MELK: variants seen among roughly 807,000 people sequenced by gnomAD.
MELK encodes maternal embryonic leucine zipper kinase.
A neutral mutation model predicts 85.0 loss-of-function variants in MELK; 81 were observed. The ratio of observed to expected loss-of-function variants is 0.95; its 90% confidence interval spans 0.80 to 1.15. The LOEUF is 1.15. MELK is among the 50% of genes most tolerant of loss of function. The pLI, the probability that MELK is intolerant of heterozygous loss-of-function variation, is 0.00. For missense variants in MELK, 754 were observed against 777.5 expected, an observed-to-expected ratio of 0.97 and a Z score of 0.36; for synonymous variants, 252 against 265.0, an observed-to-expected ratio of 0.95 and a Z score of 0.48.
rs146938245 is a variant in MELK at position 36,592,469 on chromosome 9, G to A, written c.262-2159G>A. Among the ~76,000 whole-genome samples the A allele has an allele frequency of 2.0e-3, 305 of 152,086 alleles. 1 individual carries two copies. The highest frequency in any genetic ancestry group is 4.0e-3 in the Non-Finnish European group (270 of 67,978). On this transcript the variant is annotated intron_variant, in intron 4 of 17. Transcript: ENST00000298048. Reference sequence around the variant, plus strand: ...CGGGATTACAGGAGTGAGCCACCGCGCCCGGCCCTCAAATTTTCTTTTCTC... The same window carrying A: ...CGGGATTACAGGAGTGAGCCACCGCACCCGGCCCTCAAATTTTCTTTTCTC...
At chr9:36,603,055 A>G (rs1330905637) in intron 7 of MELK, among the ~76,000 whole-genome samples, 3 of 152,134 alleles carry the variant, frequency 2.0e-5, no homozygotes, top group Non-Finnish European at 4.4e-5. Context: ...CTGATCTCAC[A>G]AGATTCCTAG....
intron 1 of MELK, among the ~76,000 whole-genome samples, chr9:36,580,657 C>G (rs1822138746): frequency 6.6e-6 from 1 of 150,986 alleles, no homozygotes; most frequent in African/African-American, 2.4e-5. Flanking sequence ...CTTCAGGTAG[C>G]CTCCCGAGCC....
chr9:36,630,610 A>G (rs1474257227), intron 9 of MELK, among the ~76,000 whole-genome samples: 1 of 152,160 alleles, frequency 6.6e-6, no homozygotes, highest in African/African-American at 2.4e-5. Flanking sequence ...TTCTCTAACT[A>G]GTTCTTGTTC....
chr9:36,607,177 A>G (rs1825640450), intron 7 of MELK, among the ~76,000 whole-genome samples: 1 of 152,250 alleles, frequency 6.6e-6, no homozygotes, highest in Non-Finnish European at 1.5e-5. Context: ...CTGATTATCA[A>G]TAAATTTTAA....
At chr9:36,651,700 C>T (rs959611978) in intron 11 of MELK, 46 bp from the exon 12 acceptor site, 3 of 1,581,454 alleles carry the variant, frequency 1.9e-6, no homozygotes, top group Non-Finnish European at 1.7e-6. Context: ...ACATCATTTC[C>T]ACAAACAAGT....
At chr9:36,670,966 C>T (rs1283260696) in intron 15 of MELK, 32 bp from the exon 16 acceptor site, 3 of 1,582,234 alleles carry the variant, frequency 1.9e-6, no homozygotes, top group African/African-American at 1.4e-5. Flanking sequence ...AGGCCCAGCT[C>T]TACTTGTGCC....
At position 36,582,007 on chromosome 9, in the gene MELK, G is replaced by T. The variant is rs1441919911; in HGVS notation, c.58+268G>T. On this transcript the variant is annotated intron_variant, in intron 2 of 17. Coordinates refer to ENST00000298048, the MANE Select transcript of MELK (RefSeq NM_014791.4). ...TTTTGAGACGGAGTCTCACTCTGTC[G>T]CCCAGGCTGGATGGAGTGCAGTGGC... Among the ~76,000 whole-genome samples the T allele has an allele frequency of 4.0e-5, 6 of 151,182 alleles. No individual in the cohort carries two copies. The East Asian group carries it at 9.8e-4, about 25-fold the overall frequency.
At chr9:36,582,529 A>G (rs908052728) in intron 2 of MELK, among the ~76,000 whole-genome samples, 21 of 152,126 alleles carry the variant, frequency 1.4e-4, no homozygotes, top group African/African-American at 4.6e-4. Flanking sequence ...ACACATATGT[A>G]CACACCTATG....
At position 36,575,978 on chromosome 9, in the gene MELK, C is replaced by A. The variant is rs547326093; in HGVS notation, c.-39+2971C>A. Among the ~76,000 whole-genome samples the A allele has an allele frequency of 1.4e-3, 220 of 152,182 alleles. 1 individual carries two copies. The highest frequency in any genetic ancestry group is 5.1e-3 in the African/African-American group (211 of 41,522). ...CTCTATACTTTTACTGTTTTTATTG[C>A]CTTTTGGAATTTCTTAGTCCTATGG... On this transcript the variant is annotated intron_variant, in intron 1 of 17. Coordinates refer to ENST00000298048, the MANE Select transcript of MELK (RefSeq NM_014791.4).
chr9:36,637,025 G>T (rs1209428728), intron 10 of MELK, among the ~76,000 whole-genome samples: 1 of 151,880 alleles, frequency 6.6e-6, no homozygotes, highest in Non-Finnish European at 1.5e-5. Context: ...GTAGAGACGG[G>T]GTTTCACCAT....
intron 14 of MELK, 50 bp downstream of exon 14, chr9:36,665,631 G>T: frequency 1.4e-6 from 2 of 1,430,570 alleles, no homozygotes; most frequent in Non-Finnish European, 1.9e-6. Flanking sequence ...TTCTTACCAT[G>T]TTAAGTAAAC....
Position 36,651,750 on chromosome 9 carries a change from A to G in MELK, c.926A>G (p.Gln309Arg), listed in dbSNP as rs776886956. 18 of 1,612,372 alleles carry G rather than the reference A, an allele frequency of 1.1e-5. No homozygotes were observed. The Admixed American group carries it at 2.7e-4, about 24-fold the overall frequency. ...CTTGATTTTCTTTTCCTTTAGTGGCAGTATGATCACCTCACGGCTACCTAT... is the reference window on the plus strand; with the variant it reads ...CTTGATTTTCTTTTCCTTTAGTGGCGGTATGATCACCTCACGGCTACCTAT... The part of the protein sequence containing the change: ...QTMEDLISLW[Q>R]YDHLTATYLL... Residue 309 changes from glutamine to arginine, a missense_variant, in exon 12 of 18, where the codon CAG (glutamine) becomes CGG (arginine). Gln to Arg is a conservative substitution (Grantham distance 43, BLOSUM62 1). Transcript: ENST00000298048.
intron 15 of MELK, among the ~76,000 whole-genome samples, chr9:36,670,400 T>C (rs1832778648): frequency 6.6e-6 from 1 of 152,036 alleles, no homozygotes; most frequent in Non-Finnish European, 1.5e-5. Flanking sequence ...CAGCACACTT[T>C]ATGGTGTTGT....
intron 11 of MELK, 130 bp from the exon 12 acceptor site, chr9:36,651,616 C>T: frequency 2.8e-6 from 3 of 1,058,024 alleles, no homozygotes; most frequent in East Asian, 2.6e-5. Context: ...TGTTTTTCAT[C>T]ATATGCTGTG....
intron 10 of MELK, among the ~76,000 whole-genome samples, chr9:36,640,175 C>T (rs1485935120): frequency 6.6e-6 from 1 of 152,100 alleles, no homozygotes; most frequent in Non-Finnish European, 1.5e-5. Context: ...GCTGCTGTGA[C>T]AAAATACCAT....
chr9:36,656,646 TAGAC>T (rs1831280726), intron 12 of MELK, among the ~76,000 whole-genome samples: 1 of 152,110 alleles, frequency 6.6e-6, no homozygotes, highest in Non-Finnish European at 1.5e-5. Flanking sequence ...CTTTTTTTTT[TAGAC>T]AGAGTCTCGC....
In MELK at chr9:36,607,694, A is replaced by T. The variant is rs745805940; in HGVS notation, c.666+21A>T. 4.0e-6 allele frequency: 6 copies of T among 1,500,454 alleles called. No individual in the cohort carries two copies. In the Admixed American group the frequency reaches 1.0e-4, roughly 25 times the overall value. 92.9% of individuals were successfully genotyped at this position (1,500,454 alleles called of 1,614,324 possible). A position where few individuals can be genotyped will look rare whatever the true frequency, so the allele number is the denominator to read the frequency against. ...TTATGGTGAGTATTACAAGGCATAG[A>T]ATTTCAATGTAGAACTTTTCTATAC... On this transcript the variant is annotated intron_variant, in intron 8 of 17. Transcript: ENST00000298048.
chr9:36,627,843 T>C (rs1587487015), intron 8 of MELK, among the ~76,000 whole-genome samples: 1 of 149,998 alleles, frequency 6.7e-6, no homozygotes, highest in Non-Finnish European at 1.5e-5. Flanking sequence ...CCCATTCTTA[T>C]TTATCCCTTG....
chr9:36,593,042 C>G (rs1005731505), intron 4 of MELK, among the ~76,000 whole-genome samples: 2 of 152,014 alleles, frequency 1.3e-5, no homozygotes, highest in Non-Finnish European at 2.9e-5. Context: ...ATGACTCATA[C>G]AGTATTCTTT....
Sources: allele counts gnomAD v4.1 joint callset (sites outside exome capture counted in the v4.1 genomes callset), GRCh38; gene constraint gnomAD v4.1.1; transcripts MANE v1.5; gene names NCBI Gene and HGNC (gene_info 2026-07-23, HGNC 2026-07-21).